CDH23: variants seen among roughly 807,000 people sequenced by gnomAD.
The protein encoded by CDH23 is cadherin related 23.
A neutral mutation model predicts 317.1 loss-of-function variants in CDH23; 189 were observed. That is an observed-to-expected ratio of 0.60 (90% CI 0.53 to 0.67). The LOEUF is 0.67. Ranked by LOEUF, CDH23 falls within the 30% of genes least tolerant of loss-of-function variation. The pLI is 0.00. For missense variants in CDH23, 4,401 were observed against 4,592.4 expected, an observed-to-expected ratio of 0.96 and a Z score of 1.20; for synonymous variants, 1,839 against 1,876.8, an observed-to-expected ratio of 0.98 and a Z score of 0.52.
intron 10 of CDH23, among the ~76,000 whole-genome samples, chr10:71,616,124 C>T (rs1268933553): frequency 1.3e-5 from 2 of 152,244 alleles, no homozygotes; most frequent in African/African-American, 4.8e-5. Context: ...CCGCTGCAGC[C>T]GCCTGCCACT....
intron 9 of CDH23, 130 bp downstream of exon 9, chr10:71,578,122 C>A: frequency 1.2e-6 from 1 of 863,666 alleles, no homozygotes; most frequent in Admixed American, 2.0e-5. Flanking sequence ...GGAGACCTGA[C>A]TACAGGGACA....
At chr10:71,575,739 C>T (rs937459518) in intron 8 of CDH23, among the ~76,000 whole-genome samples, 1 of 152,220 alleles carries the variant, frequency 6.6e-6, no homozygotes, top group Non-Finnish European at 1.5e-5. Context: ...CACAGCCGCA[C>T]TTCTCCATCC....
intron 10 of CDH23, among the ~76,000 whole-genome samples, chr10:71,616,277 AG>A (rs955973486): frequency 3.3e-5 from 5 of 152,216 alleles, no homozygotes; most frequent in Non-Finnish European, 5.9e-5. Context: ...GGTGGCCCAA[AG>A]ACTGAGGCCA....
intron 11 of CDH23, among the ~76,000 whole-genome samples, chr10:71,636,416 G>A (rs988544413): frequency 9.2e-5 from 14 of 152,194 alleles, no homozygotes; most frequent in Admixed American, 8.5e-4. Context: ...AGCTACTTGA[G>A]AGGATTGCTT....
Position 71,777,681 on chromosome 10 carries a change from C to G in CDH23, c.4847C>G (p.Ala1616Gly). 6.2e-7 allele frequency: 1 copy of G among 1,608,572 alleles called. No individual in the cohort carries two copies. Among genetic ancestry groups the G allele is most frequent in the Non-Finnish European group, 8.5e-7 (1 of 1,177,808 alleles). Residue 1616 changes from alanine (A) to glycine (G), a missense_variant and splice_region_variant, in exon 39 of 70, where the codon GCC becomes GGC. Ala to Gly is a moderately conservative substitution (Grantham distance 60). Transcript: ENST00000224721. ...VEDEGTPTLS[A>G]TTHVYVTIVD... ...GACGTGACCCACTCTTTTCCACAGG[C>G]CACCACGCACGTGTACGTGACCATT... is the stretch of plus-strand genomic sequence containing the variant.
intron 54 of CDH23, 56 bp downstream of exon 54, chr10:71,803,131 TG>T: frequency 6.2e-7 from 1 of 1,601,822 alleles, no homozygotes; most frequent in Non-Finnish European, 8.5e-7. Context: ...GGGGGAGGCC[TG>T]CCAGCCCAGG....
At chr10:71,423,496 A>G (rs924486813) in intron 1 of CDH23, among the ~76,000 whole-genome samples, 1 of 152,152 alleles carries the variant, frequency 6.6e-6, no homozygotes, top group African/African-American at 2.4e-5. Flanking sequence ...GGCTCCTGTG[A>G]GGAGCACAGT....
Position 71,507,813 on chromosome 10 carries a change from A to G in CDH23, c.146-2269A>G, listed in dbSNP as rs796289463. The stretch of plus-strand genomic sequence containing the variant: ...CGCTTTGGAAAGATGTGCTTGGTTT[A>G]TCTGTGACTTTCACATACTTCCTCT... On this transcript the variant is annotated intron_variant, in intron 3 of 69. Transcript: ENST00000224721. Among the ~76,000 whole-genome samples, 13 of 152,364 alleles carry G rather than the reference A, an allele frequency of 8.5e-5. 1 individual carries two copies. Among genetic ancestry groups the G allele is most frequent in the African/African-American group, 2.4e-4 (10 of 41,586 alleles).
chr10:71,809,166 C>CCTTTTTTTTT (rs1841833984), intron 60 of CDH23, among the ~76,000 whole-genome samples: 1 of 107,978 alleles, frequency 9.3e-6, no homozygotes, highest in African/African-American at 3.7e-5. Flanking sequence ...TTTTCTTTTT[C>CCTTTTTTTTT]CTTTTTTTTT....
intron 3 of CDH23, among the ~76,000 whole-genome samples, chr10:71,487,258 T>C (rs1337970635): frequency 6.6e-6 from 1 of 152,192 alleles, no homozygotes; most frequent in African/African-American, 2.4e-5. Flanking sequence ...TATATAAATA[T>C]ATATGAGTGT....
At position 71,751,162 on chromosome 10, in the gene CDH23, C is replaced by A; in HGVS notation, c.4845+9241C>A. 6.9e-7 allele frequency: 1 copy of A among 1,443,926 alleles called. No homozygotes were observed. The highest frequency in any genetic ancestry group is 1.3e-5 in the South Asian group (1 of 79,044). The allele number at this position is 1,443,926 out of a possible 1,614,324, so 89.4% of individuals were successfully genotyped here. ...AGAGCAGGAGGGAGGGAACCAGGGC[C>A]GAGGCCAAGGAGGCCACTCACAGAG... On this transcript the variant is annotated intron_variant, in intron 38 of 69. Coordinates refer to ENST00000224721, the MANE Select transcript of CDH23 (RefSeq NM_022124.6). This position sits in a 1 kb window ranked among gnomAD's most constrained non-coding sequence, Gnocchi z 4.9.
At chr10:71,696,232 C>T (rs1227072) in intron 22 of CDH23, among the ~76,000 whole-genome samples, 52,440 of 152,068 alleles carry the variant, frequency 0.34, 9,721 homozygotes, top group East Asian at 0.52. Flanking sequence ...CCTCCCCCAC[C>T]CTGTACACCA....
chr10:71,762,155 C>T (rs1840409606), intron 38 of CDH23: 1 of 1,060,922 alleles, frequency 9.4e-7, no homozygotes, highest in East Asian at 2.6e-5. Flanking sequence ...GCTGACCTCC[C>T]TAAGACTGCC....
At chr10:71,636,032 C>T (rs776634511) in intron 11 of CDH23, among the ~76,000 whole-genome samples, 13 of 151,950 alleles carry the variant, frequency 8.6e-5, no homozygotes, top group Non-Finnish European at 5.9e-5. Flanking sequence ...GCCCTCCTTG[C>T]GGGTTAGTAT....
chr10:71,529,883 G>A (rs1855261570), intron 6 of CDH23, among the ~76,000 whole-genome samples: 1 of 152,026 alleles, frequency 6.6e-6, no homozygotes, highest in Non-Finnish European at 1.5e-5. Flanking sequence ...AGCCTGGGGT[G>A]GGAACAGGTC....
intron 28 of CDH23, among the ~76,000 whole-genome samples, chr10:71,719,282 C>T (rs11812861): frequency 0.037 from 5,695 of 152,120 alleles, 385 homozygotes; most frequent in African/African-American, 0.13. Flanking sequence ...ATGCCTTGCC[C>T]GGACCAAGGC....
chr10:71,643,566 C>G (rs910521258), intron 11 of CDH23, among the ~76,000 whole-genome samples: 18 of 151,662 alleles, frequency 1.2e-4, no homozygotes, highest in Non-Finnish European at 1.3e-4. Flanking sequence ...CTTGCCCCCC[C>G]CTCACCTCCT....
At chr10:71,747,313 T>C (rs1839875982) in intron 38 of CDH23, among the ~76,000 whole-genome samples, 1 of 152,182 alleles carries the variant, frequency 6.6e-6, no homozygotes, top group East Asian at 1.9e-4. Context: ...GGAGCTGATA[T>C]GGAAGGAGCC....
At chr10:71,660,236 G>A (rs923121410) in intron 14 of CDH23, among the ~76,000 whole-genome samples, 10 of 152,052 alleles carry the variant, frequency 6.6e-5, no homozygotes, top group East Asian at 3.9e-4. Flanking sequence ...GTGAGCCACC[G>A]CGCCCGGCCT....
Sources: gnomAD v4.1 joint callset for allele counts (sites outside exome capture counted in the v4.1 genomes callset) on GRCh38, gnomAD v4.1.1 for gene constraint, Gnocchi (gnomAD v3.1) non-coding constraint, MANE v1.5 for transcripts, NCBI Gene and HGNC (gene_info 2026-07-23, HGNC 2026-07-21) for gene names.